DNAJB13: variants seen among roughly 807,000 people sequenced by gnomAD.
DNAJB13 encodes the protein DnaJ heat shock protein family (Hsp40) member B13, also known as dnaJ homolog subfamily B member 13.
Under a neutral mutation model 35.6 loss-of-function variants are expected in DNAJB13, and 22 were observed. The observed-to-expected ratio is 0.62, with a 90% confidence interval of 0.44 to 0.88. The LOEUF (loss-of-function observed/expected upper bound fraction) is 0.88. Among genes scored for constraint, DNAJB13 ranks in the 40% least tolerant of loss-of-function variants. The pLI, the probability that DNAJB13 is intolerant of heterozygous loss-of-function variation, is 0.00. For synonymous variants in DNAJB13, 136 were observed against 144.2 expected, an observed-to-expected ratio of 0.94 and a Z score of 0.41; for missense variants, 370 against 384.3, an observed-to-expected ratio of 0.96 and a Z score of 0.31.
At chr11:73,951,570 C>T (rs371351408) in intron 1 of DNAJB13, among the ~76,000 whole-genome samples, 22 of 152,326 alleles carry the variant, frequency 1.4e-4, no homozygotes, top group African/African-American at 5.3e-4. Context: ...TGAATACTTC[C>T]ATCGGATCTT....
intron 3 of DNAJB13, among the ~76,000 whole-genome samples, chr11:73,962,969 A>G (rs1021609564): frequency 6.6e-6 from 1 of 152,188 alleles, no homozygotes. Context: ...TAACCATTAC[A>G]TAGCCAAAAT....
intron 3 of DNAJB13, among the ~76,000 whole-genome samples, chr11:73,960,322 G>A (rs1340071946): frequency 6.6e-6 from 1 of 152,080 alleles, no homozygotes; most frequent in Non-Finnish European, 1.5e-5. Context: ...GGGATTACAG[G>A]CACCCACCAC....
Position 73,965,006 on chromosome 11 carries a change from T to C in DNAJB13, c.463T>C (p.Cys155Arg). The change falls in exon 4 of 8, where the codon TGC (cysteine) becomes CGC (arginine). Residue 155 changes from cysteine (C) to arginine (R), a missense_variant. Cys to Arg is a radical substitution (Grantham distance 180). Transcript: ENST00000339764. ...GTCCCTGGAGGACTTATTCTTTGGC[T>C]GCACCAAAAAAATTAAGATCTCCAG... ...YLSLEDLFFG[C>R]TKKIKISRRV... The C allele has an allele frequency of 6.3e-7, 1 of 1,595,678 alleles. No homozygotes were observed. Among genetic ancestry groups the C allele is most frequent in the East Asian group, 2.2e-5 (1 of 44,700 alleles).
Position 73,967,667 on chromosome 11 carries a change from C to G in DNAJB13, c.607-678C>G, listed in dbSNP as rs939942364. Among the ~76,000 whole-genome samples the G allele has an allele frequency of 3.9e-5, 6 of 152,226 alleles. No homozygotes were observed. The East Asian group carries it at 1.2e-3, about 29-fold the overall frequency. On this transcript the variant is annotated intron_variant, in intron 5 of 7. Coordinates refer to ENST00000339764, the MANE Select transcript of DNAJB13 (RefSeq NM_153614.4). ...GACTGAGGCAGGAGGATCTTTTGAGCCGAGGAGGTCAAGGCTGCAGTGAAG... is the reference window on the plus strand; with the variant it reads ...GACTGAGGCAGGAGGATCTTTTGAGGCGAGGAGGTCAAGGCTGCAGTGAAG...
chr11:73,968,046 C>T (rs959409824), intron 5 of DNAJB13: 62 of 494,124 alleles, frequency 1.3e-4, no homozygotes, highest in African/African-American at 4.5e-4. Context: ...AGTTGCCTGA[C>T]GCCCAGCTTA....
In DNAJB13 at chr11:73,965,020, T is replaced by G; in HGVS notation, c.477T>G (p.Ile159Met). 1.9e-6 allele frequency: 3 copies of G among 1,592,754 alleles called. No homozygotes were observed. The highest frequency in any genetic ancestry group is 2.6e-6 in the Non-Finnish European group (3 of 1,171,212). Residue 159 changes from isoleucine (I) to methionine (M), a missense_variant, in exon 4 of 8, where the codon ATT (isoleucine) becomes ATG (methionine). By Grantham distance (10) the Ile-to-Met change is conservative. Coordinates refer to ENST00000339764, the MANE Select transcript of DNAJB13 (RefSeq NM_153614.4). ...TATTCTTTGGCTGCACCAAAAAAAT[T>G]AAGATCTCCAGAAGGGTGAGTACTC... ...EDLFFGCTKK[I>M]KISRRVLNED...
chr11:73,951,126 G>C lies in DNAJB13; in HGVS notation c.57G>C (p.Gln19His). 1 of 1,614,104 alleles carries C rather than the reference G, an allele frequency of 6.2e-7. No individual in the cohort carries two copies. The highest frequency in any genetic ancestry group is 1.3e-5 in the African/African-American group (1 of 75,072). ...LGITRNSEDA[Q>H]IKQAYRRLAL... is the part of the protein sequence containing the mutation. ...TCACTCGCAATTCAGAGGATGCCCA[G>C]ATCAAGCAGGCGTAAGTTGGGGTGG... Residue 19 changes from glutamine to histidine, a missense_variant, in exon 1 of 8, where the codon CAG becomes CAC. Physicochemically the swap from Gln to His is conservative, Grantham distance 24 (BLOSUM62 0). Transcript: ENST00000339764.
At chr11:73,952,529 G>A (rs932511852) in intron 1 of DNAJB13, among the ~76,000 whole-genome samples, 4 of 152,196 alleles carry the variant, frequency 2.6e-5, no homozygotes, top group Non-Finnish European at 4.4e-5. Flanking sequence ...AGGTCCTGTA[G>A]GGGATCAGTG....
At position 73,969,329 on chromosome 11, in the gene DNAJB13, C is replaced by T. The variant is rs1274104452; in HGVS notation, c.797+7C>T. 3 of 872,250 alleles carry T rather than the reference C, an allele frequency of 3.4e-6. No homozygotes were observed. The East Asian group carries it at 7.2e-5, about 21-fold the overall frequency. The allele number at this position is 872,250 out of a possible 1,614,324, so 54.0% of individuals were successfully genotyped here. ...CCATCAATGACATCATCCAGTGAGTCCATCTGCCTTGGGCCCCAGTAGCCA... is the reference window on the plus strand; with the variant it reads ...CCATCAATGACATCATCCAGTGAGTTCATCTGCCTTGGGCCCCAGTAGCCA... On this transcript the variant is annotated splice_region_variant and intron_variant, in intron 7 of 7. Transcript: ENST00000339764.
rs572433378 is a variant in DNAJB13 at position 73,965,894 on chromosome 11, A to G, written c.493-244A>G. ...CCCCAGTCTCATGGCATCCTCTGCC[A>G]TACTGGAATCATAAGTTCTTGGTTG... On this transcript the variant is annotated intron_variant, in intron 4 of 7. Coordinates refer to ENST00000339764, the MANE Select transcript of DNAJB13 (RefSeq NM_153614.4). 101 of 496,422 alleles carry G rather than the reference A, an allele frequency of 2.0e-4. 1 individual carries two copies. Among genetic ancestry groups the G allele is most frequent in the African/African-American group, 1.8e-3 (91 of 51,800 alleles). The allele number at this position is 496,422 out of a possible 1,614,324, so 30.8% of individuals were successfully genotyped here.
At chr11:73,959,137 C>T (rs906954803) in intron 2 of DNAJB13, among the ~76,000 whole-genome samples, 2 of 152,164 alleles carry the variant, frequency 1.3e-5, no homozygotes, top group African/African-American at 4.8e-5. Flanking sequence ...CAAGGTTCTA[C>T]GATTCCGTTT....
chr11:73,969,092 T>C (rs1393279262), intron 6 of DNAJB13, among the ~76,000 whole-genome samples, 154 bp from the exon 7 acceptor site: 4 of 152,124 alleles, frequency 2.6e-5, no homozygotes, highest in East Asian at 3.9e-4. Context: ...GTGCAGAAAA[T>C]TGCATGGGTC....
chr11:73,964,562 AAG>A (rs1164223791), intron 3 of DNAJB13: 4 of 317,510 alleles, frequency 1.3e-5, no homozygotes, highest in African/African-American at 4.7e-5. Context: ...AGTTGTGAAT[AAG>A]AGAGACGGGG....
intron 1 of DNAJB13, 103 bp from the exon 2 acceptor site, chr11:73,958,214 A>G: frequency 8.3e-7 from 1 of 1,202,620 alleles, no homozygotes; most frequent in Non-Finnish European, 1.2e-6. Context: ...GTCACCCCGG[A>G]TTTATAGCTA....
intron 3 of DNAJB13, chr11:73,963,548 C>T (rs1156603092): frequency 6.6e-6 from 1 of 152,244 alleles, no homozygotes; most frequent in Admixed American, 6.6e-5. Context: ...TGCTCCACCC[C>T]AAGGGTTCCT....
chr11:73,969,926 T>G, intron 7 of DNAJB13, 35 bp from the exon 8 acceptor site: 1 of 1,582,194 alleles, frequency 6.3e-7, no homozygotes, highest in South Asian at 1.2e-5. Flanking sequence ...TGCTCTGGGA[T>G]GCCCTCTATG....
chr11:73,959,701 T>C, intron 3 of DNAJB13, 46 bp downstream of exon 3: 1 of 1,473,228 alleles, frequency 6.8e-7, no homozygotes, highest in Non-Finnish European at 9.1e-7. Context: ...GAAAGGACAC[T>C]GCTATAAGTG....
intron 5 of DNAJB13, 148 bp downstream of exon 5, chr11:73,966,399 T>G: frequency 1.4e-6 from 1 of 716,434 alleles, no homozygotes; most frequent in Admixed American, 2.2e-5. Context: ...GTGGGTGAGA[T>G]GGGATCCCTA....
intron 1 of DNAJB13, among the ~76,000 whole-genome samples, chr11:73,953,626 G>A (rs1340586808): frequency 1.3e-5 from 2 of 152,118 alleles, no homozygotes; most frequent in African/African-American, 2.4e-5. Context: ...GAATAACATC[G>A]GTTTCTAAAT....
Sources: allele counts gnomAD v4.1 joint callset (sites outside exome capture counted in the v4.1 genomes callset), GRCh38; gene constraint gnomAD v4.1.1; transcripts MANE v1.5; gene names NCBI Gene and HGNC (gene_info 2026-07-23, HGNC 2026-07-21).